Variants in NBAS observed in about 807,000 individuals in gnomAD.
NBAS encodes NBAS subunit of NRZ tethering complex.
A neutral mutation model predicts 302.5 loss-of-function variants in NBAS; 219 were observed. The ratio of observed to expected loss-of-function variants is 0.72; its 90% confidence interval spans 0.65 to 0.81. NBAS has a LOEUF of 0.81. Among genes scored for constraint, NBAS ranks in the 30% least tolerant of loss-of-function variants. The pLI, the probability that NBAS is intolerant of heterozygous loss-of-function variation, is 0.00. For synonymous variants in NBAS, 1,118 were observed against 1,021.6 expected, an observed-to-expected ratio of 1.09 and a Z score of -1.80; for missense variants, 2,932 against 2,841.6, an observed-to-expected ratio of 1.03 and a Z score of -0.72.
chr2:14,845,249 C>G, the NBAS span, among the ~76,000 whole-genome samples: 1 of 152,322 alleles, frequency 6.6e-6, no homozygotes, highest in East Asian at 1.9e-4. Context: ...AAGAAAAGAA[C>G]AAGAGTCTCT....
At chr2:15,362,118 G>A (rs549578814) in intron 32 of NBAS, among the ~76,000 whole-genome samples, 3 of 151,854 alleles carry the variant, frequency 2.0e-5, no homozygotes, top group East Asian at 1.9e-4. Context: ...TGTCCCTATC[G>A]ATCTTCTTTA....
intron 35 of NBAS, among the ~76,000 whole-genome samples, chr2:15,333,973 T>C (rs1431765863): frequency 6.6e-6 from 1 of 152,016 alleles, no homozygotes; most frequent in Non-Finnish European, 1.5e-5. Flanking sequence ...TTATAATATA[T>C]AAGAAACATA....
At chr2:14,945,865 G>A in the NBAS span, among the ~76,000 whole-genome samples, 1 of 152,182 alleles carries the variant, frequency 6.6e-6, no homozygotes, top group South Asian at 2.1e-4. Flanking sequence ...CAGATCACTT[G>A]AGGCCAGGAG....
chr2:15,554,828 G>C (rs1664573069), intron 3 of NBAS, among the ~76,000 whole-genome samples: 1 of 151,828 alleles, frequency 6.6e-6, no homozygotes, highest in Non-Finnish European at 1.5e-5. Context: ...AAAAGTAAAA[G>C]TCCAAGTCTG....
the NBAS span, among the ~76,000 whole-genome samples, chr2:14,814,717 C>T: frequency 6.6e-6 from 1 of 152,070 alleles, no homozygotes; most frequent in Non-Finnish European, 1.5e-5. Context: ...TGAGTTAAGA[C>T]TTTGGGGGGA....
At chr2:15,434,456 AT>A (rs1466070355) in intron 21 of NBAS, among the ~76,000 whole-genome samples, 2 of 152,220 alleles carry the variant, frequency 1.3e-5, no homozygotes, top group Non-Finnish European at 2.9e-5. Flanking sequence ...AAAGAAAGGA[AT>A]CCTCAAGTAT....
chr2:15,556,757 G>C (rs1206679802), intron 3 of NBAS, 26 bp downstream of exon 3: 1 of 1,564,812 alleles, frequency 6.4e-7, no homozygotes, highest in Non-Finnish European at 8.8e-7. Context: ...TGTTCATACT[G>C]TTTCTCTGAA....
chr2:15,272,543 C>T (rs925268156), intron 44 of NBAS, among the ~76,000 whole-genome samples: 3 of 152,052 alleles, frequency 2.0e-5, no homozygotes, highest in Non-Finnish European at 4.4e-5. Context: ...TTATACTTCT[C>T]CTTTCTGAAC....
At chr2:15,144,686 G>C in the NBAS span, among the ~76,000 whole-genome samples, 6 of 152,178 alleles carry the variant, frequency 3.9e-5, no homozygotes, top group Admixed American at 3.9e-4. Context: ...CTAAAAAAAA[G>C]GCAGCAGAAT....
the NBAS span, among the ~76,000 whole-genome samples, chr2:14,788,725 G>T: frequency 6.6e-6 from 1 of 152,164 alleles, no homozygotes; most frequent in East Asian, 1.9e-4. Context: ...GGTGTGAGGT[G>T]TCAGTCTGCC....
chr2:15,548,513 G>A (rs1236941217), intron 6 of NBAS, among the ~76,000 whole-genome samples: 1 of 151,968 alleles, frequency 6.6e-6, no homozygotes, highest in Non-Finnish European at 1.5e-5. Context: ...GTGATGGCAC[G>A]CACCTGTAAT....
At chr2:15,285,534 T>C (rs1370663506) in intron 42 of NBAS, among the ~76,000 whole-genome samples, 1 of 152,230 alleles carries the variant, frequency 6.6e-6, no homozygotes, top group Admixed American at 6.5e-5. Context: ...TATGTGCGTA[T>C]GACTCCCAAG....
chr2:14,935,797 C>T, the NBAS span, among the ~76,000 whole-genome samples: 2 of 152,168 alleles, frequency 1.3e-5, no homozygotes, highest in African/African-American at 4.8e-5. Flanking sequence ...AAAACACTGA[C>T]GTGTCCTAGC....
At chr2:15,103,491 G>C in the NBAS span, among the ~76,000 whole-genome samples, 66 of 152,160 alleles carry the variant, frequency 4.3e-4, no homozygotes, top group African/African-American at 1.5e-3. Context: ...CACTGTCCTA[G>C]GTTTTTGCTA....
the NBAS span, among the ~76,000 whole-genome samples, chr2:14,959,891 G>T: frequency 6.6e-6 from 1 of 152,020 alleles, no homozygotes; most frequent in African/African-American, 2.4e-5. Flanking sequence ...TTCCACACTG[G>T]AATTTCTATC....
the NBAS span, among the ~76,000 whole-genome samples, chr2:14,999,692 C>A: frequency 1.3e-5 from 2 of 152,172 alleles, no homozygotes. Flanking sequence ...TCAATTAAAC[C>A]TCTTTTCTTT....
At chr2:15,063,036 C>T in the NBAS span, among the ~76,000 whole-genome samples, 76,943 of 151,802 alleles carry the variant, frequency 0.51, 21,736 homozygotes, top group Non-Finnish European at 0.62. Context: ...CAAGCAACTT[C>T]AAATGGTTTG....
the NBAS span, among the ~76,000 whole-genome samples, chr2:14,794,914 T>C: frequency 1.3e-5 from 2 of 152,342 alleles, no homozygotes; most frequent in South Asian, 4.1e-4. Context: ...TACACCTATG[T>C]TGTTGTATGT....
intron 48 of NBAS, among the ~76,000 whole-genome samples, chr2:15,210,837 G>A (rs1572455382): frequency 6.6e-6 from 1 of 152,158 alleles, no homozygotes; most frequent in East Asian, 1.9e-4. Context: ...AGATGGAACT[G>A]GAGGTCATAA....
Sources: allele counts gnomAD v4.1 joint callset (sites outside exome capture counted in the v4.1 genomes callset), GRCh38; gene constraint gnomAD v4.1.1; transcripts MANE v1.5; gene names NCBI Gene and HGNC (gene_info 2026-07-23, HGNC 2026-07-21).